The following RBM47 variants were observed in gnomAD, a reference collection of about 807,000 sequenced individuals.
RBM47 encodes RNA binding motif protein 47, also known as RNA-binding protein 47.
A neutral mutation model predicts 47.1 loss-of-function variants in RBM47; 21 were observed. That is an observed-to-expected ratio of 0.45 (90% CI 0.32 to 0.64). The LOEUF (loss-of-function observed/expected upper bound fraction) is 0.64. RBM47 is among the 30% of genes least tolerant of loss of function. The probability of loss-of-function intolerance (pLI) is 0.05; values close to 1 mark genes in which losing one functional copy is unlikely to be tolerated. For synonymous variants in RBM47, 375 were observed against 361.7 expected (o/e 1.04, Z -0.42); for missense variants, 708 against 870.9 (o/e 0.81, Z 2.35).
At chr4:40,499,404 T>A (rs1723054006) in intron 2 of RBM47, among the ~76,000 whole-genome samples, 1 of 152,168 alleles carries the variant, frequency 6.6e-6, no homozygotes, top group African/African-American at 2.4e-5. Context: ...GAATTTTGTT[T>A]TATTTTATTT....
intron 3 of RBM47, among the ~76,000 whole-genome samples, chr4:40,451,243 T>G (rs1401070144): frequency 6.6e-6 from 1 of 151,970 alleles, no homozygotes; most frequent in Admixed American, 6.6e-5. Flanking sequence ...TGCAACATTT[T>G]TCAAGGGTTT....
intron 1 of RBM47, among the ~76,000 whole-genome samples, chr4:40,586,753 C>T (rs1000201012): frequency 6.6e-6 from 1 of 151,760 alleles, no homozygotes; most frequent in East Asian, 1.9e-4. Flanking sequence ...AAAGACCCCA[C>T]CGGTGACCTC....
chr4:40,492,597 A>T (rs1722033762), intron 2 of RBM47, among the ~76,000 whole-genome samples: 1 of 152,090 alleles, frequency 6.6e-6, no homozygotes, highest in Non-Finnish European at 1.5e-5. Context: ...TCAGACTAGA[A>T]CCTTATCACT....
At chr4:40,537,446 G>A (rs975750593) in intron 2 of RBM47, among the ~76,000 whole-genome samples, 1 of 151,714 alleles carries the variant, frequency 6.6e-6, no homozygotes, top group African/African-American at 2.4e-5. Context: ...TAGAGATAGG[G>A]TTTCACCATT....
intron 2 of RBM47, 82 bp from the exon 3 acceptor site, chr4:40,466,781 G>GGA (rs1370809179): frequency 9.3e-6 from 1 of 107,274 alleles, no homozygotes; most frequent in Non-Finnish European, 1.8e-5. Context: ...TGGGGGGGGG[G>GGA]GGGCAGATCC....
At chr4:40,505,225 A>C (rs1723932142) in intron 2 of RBM47, among the ~76,000 whole-genome samples, 1 of 152,074 alleles carries the variant, frequency 6.6e-6, no homozygotes, top group South Asian at 2.1e-4. Flanking sequence ...ACTGTGGCTC[A>C]CGTCTGTAAT....
chr4:40,488,401 C>T (rs1041643502), intron 2 of RBM47, among the ~76,000 whole-genome samples: 6 of 152,012 alleles, frequency 3.9e-5, no homozygotes, highest in African/African-American at 1.4e-4. Flanking sequence ...TAGAACTTTT[C>T]AGTGCGCACC....
At chr4:40,471,690 C>T (rs1264303237) in intron 2 of RBM47, among the ~76,000 whole-genome samples, 9 of 145,412 alleles carry the variant, frequency 6.2e-5, no homozygotes, top group Admixed American at 5.5e-4. Context: ...CAAAACTCCA[C>T]CTCAAAAAAA....
At chr4:40,588,992 CTTTTTT>C (rs34195998) in intron 1 of RBM47, among the ~76,000 whole-genome samples, 2 of 79,448 alleles carry the variant, frequency 2.5e-5, no homozygotes, top group Non-Finnish European at 4.9e-5. Context: ...TAAAGCGTTT[CTTTTTT>C]TTTTTTTTTT....
intron 1 of RBM47, among the ~76,000 whole-genome samples, chr4:40,593,676 C>G (rs768851874): frequency 1.5e-4 from 23 of 151,892 alleles, no homozygotes; most frequent in Non-Finnish European, 1.6e-4. Flanking sequence ...GTCAGGAGAT[C>G]GAGACCATCC....
intron 1 of RBM47, among the ~76,000 whole-genome samples, chr4:40,556,037 CTTT>C (rs112819173): frequency 1.4e-4 from 20 of 139,466 alleles, no homozygotes; most frequent in African/African-American, 1.6e-4. Context: ...AAAAGATCTT[CTTT>C]TTTTTTTTTT....
chr4:40,491,985 A>G (rs1721932019), intron 2 of RBM47: 1 of 155,000 alleles, frequency 6.5e-6, no homozygotes. Context: ...AGAACAACAC[A>G]TAAACCCAAG....
chr4:40,539,739 C>CAAAAAAAAAAAA lies in RBM47; in HGVS notation c.-155+4671_-155+4682dup, dbSNP rs56005602. 1.2e-4 allele frequency among the ~76,000 whole-genome samples: 7 copies of CAAAAAAAAAAAA among 56,330 alleles called. 1 individual carries two copies. The highest frequency in any genetic ancestry group is 4.8e-4 in the African/African-American group (7 of 14,478). The allele number at this position is 56,330 out of a possible 152,430, so 37.0% of individuals were successfully genotyped here. A position where few individuals can be genotyped will look rare whatever the true frequency, so the allele number is the denominator to read the frequency against. On this transcript the variant is annotated intron_variant, in intron 2 of 6. Transcript: ENST00000295971. ...TGGGCGACAGAGCAAGACTCTGTCT[C>CAAAAAAAAAAAA]AAAAAAAAAAAAAAAAAAAAAAAAA...
chr4:40,509,189 AAT>A lies in RBM47; in HGVS notation c.-155+35231_-155+35232del, dbSNP rs1491059046. ...TAAATAAATAAATAAATAAATAAATAATAATAATATATTTTTTTCAAAGTAGT... is the reference window on the plus strand; with the variant it reads ...TAAATAAATAAATAAATAAATAAATAAATAATATATTTTTTTCAAAGTAGT... On this transcript the variant is annotated intron_variant, in intron 2 of 6. Coordinates refer to ENST00000295971, the MANE Select transcript of RBM47 (RefSeq NM_001098634.2). 6.2e-5 allele frequency among the ~76,000 whole-genome samples: 9 copies of A among 146,090 alleles called. 1 individual carries two copies. Among genetic ancestry groups the A allele is most frequent in the Non-Finnish European group, 9.0e-5 (6 of 66,342 alleles).
At chr4:40,545,083 G>A (rs1236063588) in intron 1 of RBM47, among the ~76,000 whole-genome samples, 2 of 132,560 alleles carry the variant, frequency 1.5e-5, no homozygotes, top group Middle Eastern at 4.2e-3. Flanking sequence ...ACGGAGTCTC[G>A]CTCTGTCACC....
intron 2 of RBM47, among the ~76,000 whole-genome samples, chr4:40,541,624 G>A (rs1021771240): frequency 2.0e-5 from 3 of 152,252 alleles, no homozygotes; most frequent in Non-Finnish European, 4.4e-5. Context: ...TATAATCCCA[G>A]CTAGTCGGGA....
At chr4:40,592,426 CTTT>C (rs80061075) in intron 1 of RBM47, among the ~76,000 whole-genome samples, 2 of 137,484 alleles carry the variant, frequency 1.5e-5, no homozygotes, top group African/African-American at 2.7e-5. Context: ...TTTTTTTTTT[CTTT>C]TTTTTTTTTT....
intron 1 of RBM47, among the ~76,000 whole-genome samples, chr4:40,574,705 C>G (rs531357613): frequency 4.6e-5 from 7 of 152,204 alleles, no homozygotes; most frequent in Non-Finnish European, 8.8e-5. Context: ...CAGAAATTAG[C>G]CAGGTGTGGT....
intron 1 of RBM47, among the ~76,000 whole-genome samples, chr4:40,593,076 A>G (rs1264645988): frequency 7.6e-6 from 1 of 131,836 alleles, no homozygotes; most frequent in East Asian, 2.4e-4. Flanking sequence ...GCTCACTGCA[A>G]GTCCGCCTCC....
Sources: gnomAD v4.1 joint callset for allele counts (sites outside exome capture counted in the v4.1 genomes callset) on GRCh38, gnomAD v4.1.1 for gene constraint, MANE v1.5 for transcripts, NCBI Gene and HGNC (gene_info 2026-07-23, HGNC 2026-07-21) for gene names.